The following RGS6 variants were observed in gnomAD, a reference collection of about 807,000 sequenced individuals.
RGS6 encodes regulator of G-protein signaling 6.
RGS6 carries 30 observed loss-of-function variants against 78.5 expected under a neutral mutation model. That is an observed-to-expected ratio of 0.38 (90% CI 0.29 to 0.52). The LOEUF is 0.52. Among genes scored for constraint, RGS6 ranks in the 20% least tolerant of loss-of-function variants. The pLI is 0.85. For synonymous variants in RGS6, 206 were observed against 206.0 expected, an observed-to-expected ratio of 1.00 and a Z score of 0.00; for missense variants, 495 against 609.7, an observed-to-expected ratio of 0.81 and a Z score of 1.98.
At chr14:72,488,791 A>T (rs1230874932) in intron 12 of RGS6, among the ~76,000 whole-genome samples, 3 of 152,034 alleles carry the variant, frequency 2.0e-5, no homozygotes, top group African/African-American at 7.2e-5. Flanking sequence ...CCATATGGGG[A>T]CTTGTCCACA....
At chr14:72,507,390 C>A (rs1434664068) in intron 13 of RGS6, among the ~76,000 whole-genome samples, 2 of 152,214 alleles carry the variant, frequency 1.3e-5, no homozygotes, top group Non-Finnish European at 2.9e-5. Context: ...GGCTCCAGAA[C>A]TGTGAGAGAA....
chr14:71,948,901 AATGAAATAAAT>A (rs554435388), intron 1 of RGS6, among the ~76,000 whole-genome samples: 230 of 152,128 alleles, frequency 1.5e-3, no homozygotes, highest in Middle Eastern at 0.01. Flanking sequence ...TTTTGAAACA[AATGAAATAAAT>A]ATGAAATCAT....
At chr14:72,258,501 C>T (rs2057511176) in intron 2 of RGS6, among the ~76,000 whole-genome samples, 1 of 152,192 alleles carries the variant, frequency 6.6e-6, no homozygotes, top group Admixed American at 6.5e-5. Flanking sequence ...TTGGGTGACA[C>T]TCTCTAGCTT....
intron 13 of RGS6, among the ~76,000 whole-genome samples, chr14:72,506,916 A>T (rs1489557773): frequency 7.3e-6 from 1 of 136,246 alleles, no homozygotes; most frequent in African/African-American, 2.6e-5. Context: ...TGGGAGGCCG[A>T]GGCAGGTGGA....
chr14:72,455,205 A>T (rs1474056815), intron 4 of RGS6, among the ~76,000 whole-genome samples: 2 of 152,154 alleles, frequency 1.3e-5, no homozygotes, highest in African/African-American at 2.4e-5. Context: ...GCTTATTCCC[A>T]TGTGCTGTCA....
At chr14:72,445,585 A>T (rs1334651998) in intron 3 of RGS6, among the ~76,000 whole-genome samples, 1 of 151,944 alleles carries the variant, frequency 6.6e-6, no homozygotes, top group Non-Finnish European at 1.5e-5. Context: ...CTAGATTGTG[A>T]TGATGTTTTC....
the RGS6 span, among the ~76,000 whole-genome samples, chr14:71,875,151 G>A: frequency 1.3e-5 from 2 of 152,066 alleles, no homozygotes; most frequent in African/African-American, 4.8e-5. Context: ...GGATGATGCT[G>A]GCCTCATAAA....
intron 3 of RGS6, among the ~76,000 whole-genome samples, chr14:72,406,574 G>T (rs2092943189): frequency 6.6e-6 from 1 of 152,218 alleles, no homozygotes; most frequent in Admixed American, 6.5e-5. Flanking sequence ...AAGGCTGGAA[G>T]TCAGGGGGTG....
intron 2 of RGS6, among the ~76,000 whole-genome samples, chr14:72,311,726 C>G (rs944450720): frequency 6.6e-6 from 1 of 152,170 alleles, no homozygotes; most frequent in African/African-American, 2.4e-5. Flanking sequence ...CATTCATTGT[C>G]ACTTGAAAAG....
At chr14:72,398,763 G>T (rs1277025856) in intron 3 of RGS6, among the ~76,000 whole-genome samples, 3 of 151,996 alleles carry the variant, frequency 2.0e-5, no homozygotes, top group Non-Finnish European at 4.4e-5. Context: ...TTTTGTTCTT[G>T]TTGGTTTCAA....
chr14:71,961,425 G>A (rs1389218504), intron 1 of RGS6, among the ~76,000 whole-genome samples: 1 of 152,092 alleles, frequency 6.6e-6, no homozygotes, highest in Non-Finnish European at 1.5e-5. Flanking sequence ...CTAGGGGTGG[G>A]GTGATACCAG....
At chr14:72,376,562 C>T (rs371846509) in intron 3 of RGS6, among the ~76,000 whole-genome samples, 29 of 152,112 alleles carry the variant, frequency 1.9e-4, no homozygotes, top group African/African-American at 6.5e-4. Context: ...TGTCAAAAGT[C>T]AAAGACAAAC....
chr14:72,016,662 A>G (rs981992898), intron 2 of RGS6, among the ~76,000 whole-genome samples: 1 of 151,988 alleles, frequency 6.6e-6, no homozygotes, highest in African/African-American at 2.4e-5. Context: ...ACCGCGCCCG[A>G]CTGTTCTTTG....
At chr14:72,003,019 A>G (rs1162814297) in intron 2 of RGS6, among the ~76,000 whole-genome samples, 2 of 152,220 alleles carry the variant, frequency 1.3e-5, no homozygotes, top group African/African-American at 2.4e-5. Context: ...ATCACTTAGC[A>G]TATAAATCCT....
At chr14:72,625,595 T>C in the RGS6 span, among the ~76,000 whole-genome samples, 1 of 152,214 alleles carries the variant, frequency 6.6e-6, no homozygotes, top group East Asian at 1.9e-4. Context: ...TGTGTCTTCA[T>C]TGCTTCTGTG....
intron 2 of RGS6, among the ~76,000 whole-genome samples, chr14:71,980,451 G>T (rs1405798927): frequency 6.8e-6 from 1 of 146,814 alleles, no homozygotes; most frequent in Admixed American, 6.8e-5. Context: ...TTTTAGGGCA[G>T]GCCTGGTGGT....
chr14:71,901,412 T>C, the RGS6 span, among the ~76,000 whole-genome samples: 1 of 152,256 alleles, frequency 6.6e-6, no homozygotes, highest in African/African-American at 2.4e-5. Context: ...ATGGCAGGTA[T>C]ATAATAAATG....
intron 2 of RGS6, among the ~76,000 whole-genome samples, chr14:72,350,383 C>G (rs1365181029): frequency 6.6e-6 from 1 of 152,150 alleles, no homozygotes; most frequent in Non-Finnish European, 1.5e-5. Context: ...GCGAAAGTTG[C>G]AAAGGTTGGT....
At chr14:72,475,116 G>A (rs1466400025) in intron 10 of RGS6, among the ~76,000 whole-genome samples, 1 of 151,938 alleles carries the variant, frequency 6.6e-6, no homozygotes, top group Non-Finnish European at 1.5e-5. Flanking sequence ...AGGGAGGGGA[G>A]GAAACAAAAG....
Sources: gnomAD v4.1 joint callset for allele counts (sites outside exome capture counted in the v4.1 genomes callset) on GRCh38, gnomAD v4.1.1 for gene constraint, MANE v1.5 for transcripts, NCBI Gene and HGNC (gene_info 2026-07-23, HGNC 2026-07-21) for gene names.